Variants in MPP7 observed in about 807,000 individuals in gnomAD.
MPP7 encodes MAGUK p55 scaffold protein 7.
Under a neutral mutation model 76.5 loss-of-function variants are expected in MPP7, and 60 were observed. The observed-to-expected ratio is 0.78, with a 90% CI of 0.64 to 0.97. The LOEUF (loss-of-function observed/expected upper bound fraction) is 0.97, where lower values mean the gene tolerates loss of function less well. Among genes scored for constraint, MPP7 ranks in the 50% least tolerant of loss-of-function variants. The probability of loss-of-function intolerance (pLI) is 0.00; values close to 1 mark genes in which losing one functional copy is unlikely to be tolerated. For synonymous variants in MPP7, 237 were observed against 244.5 expected, an observed-to-expected ratio of 0.97 and a Z score of 0.29; for missense variants, 641 against 694.0, an observed-to-expected ratio of 0.92 and a Z score of 0.86.
chr10:28,160,015 T>C (rs1836204359), intron 3 of MPP7, among the ~76,000 whole-genome samples: 2 of 152,150 alleles, frequency 1.3e-5, no homozygotes, highest in African/African-American at 2.4e-5. Context: ...GACAAGTTTT[T>C]CAAAATTCTA....
intron 1 of MPP7, among the ~76,000 whole-genome samples, chr10:28,264,767 T>A (rs1179754372): frequency 6.6e-6 from 1 of 152,052 alleles, no homozygotes; most frequent in Non-Finnish European, 1.5e-5. Flanking sequence ...AGTGTTGGAA[T>A]GAAAGAATGA....
At chr10:28,278,419 T>C (rs936038520) in intron 1 of MPP7, among the ~76,000 whole-genome samples, 1 of 152,028 alleles carries the variant, frequency 6.6e-6, no homozygotes, top group African/African-American at 2.4e-5. Flanking sequence ...AAATTCCTAA[T>C]CAATTTAAGG....
At chr10:28,232,519 TA>T (rs933467412) in intron 2 of MPP7, among the ~76,000 whole-genome samples, 1 of 152,170 alleles carries the variant, frequency 6.6e-6, no homozygotes. Flanking sequence ...GGAGGTGTGC[TA>T]GGGAGTTAAT....
intron 1 of MPP7, among the ~76,000 whole-genome samples, chr10:28,294,513 G>A (rs1246492247): frequency 3.3e-5 from 5 of 152,216 alleles, no homozygotes; most frequent in Non-Finnish European, 7.3e-5. Context: ...TGAAGGGGAA[G>A]AGGGAGGAGG....
chr10:28,143,447 T>G (rs1220137216), intron 5 of MPP7, among the ~76,000 whole-genome samples: 2 of 150,246 alleles, frequency 1.3e-5, no homozygotes, highest in Non-Finnish European at 3.0e-5. Flanking sequence ...ACATAATAAA[T>G]TATCACATCT....
At chr10:28,101,631 C>T (rs770622581) in intron 11 of MPP7, among the ~76,000 whole-genome samples, 1 of 151,970 alleles carries the variant, frequency 6.6e-6, no homozygotes, top group Admixed American at 6.6e-5. Context: ...GAAAGAGTGA[C>T]TTTTCAGGAA....
intron 14 of MPP7, among the ~76,000 whole-genome samples, chr10:28,059,129 G>A (rs1203017507): frequency 1.3e-5 from 2 of 152,166 alleles, no homozygotes; most frequent in Non-Finnish European, 2.9e-5. Flanking sequence ...GCTTCTGATA[G>A]CCTAAAATAT....
At chr10:28,083,526 C>T (rs930971419) in intron 12 of MPP7, among the ~76,000 whole-genome samples, 3 of 138,430 alleles carry the variant, frequency 2.2e-5, no homozygotes, top group African/African-American at 2.6e-5. Context: ...ACATGATTTT[C>T]TTCCTCTTTT....
chr10:28,231,889 T>C (rs1838897155), intron 2 of MPP7, among the ~76,000 whole-genome samples: 1 of 152,162 alleles, frequency 6.6e-6, no homozygotes, highest in Admixed American at 6.5e-5. Context: ...GCATGACTTT[T>C]TGAAATTCGG....
intron 3 of MPP7, among the ~76,000 whole-genome samples, chr10:28,165,522 T>A (rs1237343170): frequency 8.6e-6 from 1 of 116,744 alleles, no homozygotes; most frequent in Non-Finnish European, 1.7e-5. Flanking sequence ...TGAGACCTTG[T>A]CTCTAAGAAA....
At chr10:28,091,706 GTGGATTTAACCAATTA>G (rs1200074899) in intron 11 of MPP7, among the ~76,000 whole-genome samples, 2 of 152,190 alleles carry the variant, frequency 1.3e-5, no homozygotes, top group African/African-American at 4.8e-5. Flanking sequence ...TTCCATCCAT[GTGGATTTAACCAATTA>G]TGGACTGAAA....
chr10:28,190,989 G>A (rs1268222263), intron 3 of MPP7, among the ~76,000 whole-genome samples: 1 of 152,028 alleles, frequency 6.6e-6, no homozygotes, highest in African/African-American at 2.4e-5. Flanking sequence ...GGACAATAAA[G>A]AATTGTGATG....
chr10:28,060,805 C>A (rs918660358), intron 13 of MPP7, among the ~76,000 whole-genome samples: 9 of 152,202 alleles, frequency 5.9e-5, no homozygotes, highest in African/African-American at 1.9e-4. Flanking sequence ...CTGTGCTACA[C>A]ACATGTAGTT....
chr10:28,084,509 A>T (rs1470958954), intron 12 of MPP7, among the ~76,000 whole-genome samples: 16 of 152,184 alleles, frequency 1.1e-4, no homozygotes, highest in Non-Finnish European at 2.4e-4. Context: ...CAGATTAGAA[A>T]CTGCATCTTA....
chr10:28,153,290 C>T lies in MPP7; in HGVS notation c.157-3231G>A, dbSNP rs75454425. Among the ~76,000 whole-genome samples the T allele has an allele frequency of 8.9e-3, 1,353 of 152,082 alleles. 24 individuals carry two copies. Among genetic ancestry groups the T allele is most frequent in the East Asian group, 0.053 (276 of 5,162 alleles). On this transcript the variant is annotated intron_variant, in intron 3 of 16. Coordinates refer to ENST00000683449, the MANE Select transcript of MPP7 (RefSeq NM_001318170.2). The stretch of plus-strand genomic sequence containing the variant: ...CAAAAAAAAAGTATACTTCATTTTT[C>T]TCCCCTGAGCAACTGGAAGAGGAGG...
At chr10:28,247,753 C>G (rs1210352074) in intron 1 of MPP7, among the ~76,000 whole-genome samples, 1 of 152,168 alleles carries the variant, frequency 6.6e-6, no homozygotes, top group Admixed American at 6.5e-5. Flanking sequence ...CCTTTATGAA[C>G]TAGAAGAGAA....
intron 2 of MPP7, among the ~76,000 whole-genome samples, chr10:28,329,483 G>T (rs1834450624): frequency 1.3e-5 from 2 of 152,014 alleles, no homozygotes; most frequent in African/African-American, 4.8e-5. Flanking sequence ...AAAAAAATTA[G>T]CTGGGCGTGG....
intron 13 of MPP7, among the ~76,000 whole-genome samples, chr10:28,063,017 T>C (rs1023653073): frequency 3.9e-5 from 6 of 152,058 alleles, no homozygotes; most frequent in Non-Finnish European, 7.4e-5. Context: ...TTAAACACTT[T>C]TGCTTTTTAA....
At chr10:28,278,509 T>A (rs1366417668) in intron 1 of MPP7, among the ~76,000 whole-genome samples, 2 of 152,058 alleles carry the variant, frequency 1.3e-5, no homozygotes, top group African/African-American at 4.8e-5. Context: ...AGAAAACACC[T>A]GAAGACACCA....
Sources: allele counts gnomAD v4.1 joint callset (sites outside exome capture counted in the v4.1 genomes callset), GRCh38; gene constraint gnomAD v4.1.1; transcripts MANE v1.5; gene names NCBI Gene and HGNC (gene_info 2026-07-23, HGNC 2026-07-21).